The following MTF1 variants were observed in gnomAD, a reference collection of about 807,000 sequenced individuals.
The protein encoded by MTF1 is MRE-binding transcription factor.
Under a neutral mutation model 70.4 loss-of-function variants are expected in MTF1, and 22 were observed. The ratio of observed to expected loss-of-function variants is 0.31; its 90% CI spans 0.22 to 0.45. MTF1 has a LOEUF of 0.45. Ranked by LOEUF, MTF1 falls within the 20% of genes least tolerant of loss-of-function variation. MTF1 has a pLI of 1.00. For missense variants in MTF1, 649 were observed against 922.0 expected, an observed-to-expected ratio of 0.70 and a Z score of 3.83; for synonymous variants, 333 against 352.8, an observed-to-expected ratio of 0.94 and a Z score of 0.63.
intron 2 of MTF1, among the ~76,000 whole-genome samples, chr1:37,843,006 G>C (rs955188408): frequency 5.9e-5 from 9 of 152,220 alleles, no homozygotes; most frequent in African/African-American, 2.2e-4. Context: ...GTGAACTCCT[G>C]AGTTGATAAA....
intron 2 of MTF1, among the ~76,000 whole-genome samples, chr1:37,850,700 A>G (rs966953012): frequency 6.6e-5 from 10 of 152,138 alleles, no homozygotes; most frequent in Non-Finnish European, 1.2e-4. Context: ...GGAAAAGACT[A>G]TCTGTGGCAA....
rs1031012007 is a variant in MTF1, at chr1:37,813,739, T to A, written c.*1397A>T. ...TGAGTTTGGTCAGCACTCATGACTA[T>A]GTTAATATAGCCTGTTGAGGGAAAC... On this transcript the variant is annotated 3_prime_UTR_variant, in exon 11 of 11. Transcript: ENST00000373036. 2.0e-5 allele frequency: 3 copies of A among 152,324 alleles called. No individual in the cohort carries two copies. The highest frequency in any genetic ancestry group is 6.5e-5 in the Admixed American group (1 of 15,290). 9.4% of individuals were successfully genotyped at this position (152,324 alleles called of 1,614,324 possible).
Position 37,823,755 on chromosome 1 carries a change from G to T in MTF1, c.1126C>A (p.Gln376Lys), listed in dbSNP as rs201684280. ...SPAIIFESMF[Q>K]NSDDTAIQED... ...TGAATTGCCGTATCATCTGAATTCT[G>T]GAACATTGATTCAAAGATGATTGCT... The change falls in exon 8 of 11, where the codon CAG (glutamine) becomes AAG (lysine). Residue 376 changes from glutamine to lysine, a missense_variant. Transcript: ENST00000373036. 1.2e-6 allele frequency: 2 copies of T among 1,614,036 alleles called. No homozygotes were observed. The highest frequency in any genetic ancestry group is 2.2e-5 in the East Asian group (1 of 44,868).
intron 7 of MTF1, among the ~76,000 whole-genome samples, chr1:37,824,906 G>A (rs1260685734): frequency 1.3e-5 from 2 of 151,940 alleles, no homozygotes; most frequent in East Asian, 3.9e-4. Flanking sequence ...ATGTGAGGGG[G>A]GAGACCCAAC....
intron 3 of MTF1, 38 bp from the exon 4 acceptor site, chr1:37,838,794 A>ACTCTTTTTTTTTTTTTTTTT (rs1641208901): frequency 2.1e-6 from 1 of 487,084 alleles, no homozygotes; most frequent in African/African-American, 2.4e-5. Context: ...TTGTCATAAA[A>ACTCTTTTTTTTTTTTTTTTT]TTCTTTTTTT....
At chr1:37,859,101 G>A (rs1641553491) in intron 1 of MTF1, among the ~76,000 whole-genome samples, 2 of 152,236 alleles carry the variant, frequency 1.3e-5, no homozygotes, top group Non-Finnish European at 2.9e-5. Context: ...CTGCATCTGA[G>A]CAGAGAGAGA....
rs929287157 is a variant in MTF1, at chr1:37,858,253, T to C, written c.-51-544A>G. 6.6e-5 allele frequency among the ~76,000 whole-genome samples: 10 copies of C among 152,218 alleles called. No homozygotes were observed. In the South Asian group the frequency reaches 1.4e-3, roughly 22 times the overall value. ...GACCACGAGGCAGTAAATGGTTTCA[T>C]GCAGTTTATGGTAGAAGGAGCAAGG... is the stretch of plus-strand genomic sequence containing the variant. On this transcript the variant is annotated intron_variant, in intron 1 of 10. Transcript: ENST00000373036.
chr1:37,854,718 G>C (rs1387613751), intron 2 of MTF1, among the ~76,000 whole-genome samples: 1 of 152,212 alleles, frequency 6.6e-6, no homozygotes, highest in Non-Finnish European at 1.5e-5. Context: ...ACTGTATTCA[G>C]TGCTAGTTGA....
In MTF1 at chr1:37,810,371, T is replaced by G. The variant is rs920268932; in HGVS notation, c.*4765A>C. ...CCACCAAAAGGGCAGTGTGTGGTTT[T>G]AAACCTCAATTCCAGTAAAAAAGCT... On this transcript the variant is annotated 3_prime_UTR_variant, in exon 11 of 11. Coordinates refer to ENST00000373036, the MANE Select transcript of MTF1 (RefSeq NM_005955.3). The G allele has an allele frequency of 3.3e-5, 5 of 152,384 alleles. No individual in the cohort carries two copies. Among genetic ancestry groups the G allele is most frequent in the African/African-American group, 1.2e-4 (5 of 41,454 alleles). The allele number at this position is 152,384 out of a possible 1,614,324, so 9.4% of individuals were successfully genotyped here.
chr1:37,845,444 C>T (rs1375349035), intron 2 of MTF1, among the ~76,000 whole-genome samples: 4 of 151,622 alleles, frequency 2.6e-5, no homozygotes, highest in Admixed American at 6.6e-5. Context: ...GGGGAGGGGG[C>T]GGATAGCAAG....
chr1:37,835,030 C>T (rs199902145), intron 6 of MTF1, 49 bp downstream of exon 6: 17 of 1,593,070 alleles, frequency 1.1e-5, no homozygotes, highest in Non-Finnish European at 1.5e-5. Flanking sequence ...ACACAAACAA[C>T]TGTTGAAGTT....
At chr1:37,827,535 T>A (rs1263886129) in intron 7 of MTF1, among the ~76,000 whole-genome samples, 1 of 152,038 alleles carries the variant, frequency 6.6e-6, no homozygotes, top group African/African-American at 2.4e-5. Context: ...TTTTGTTTTT[T>A]GTATTTTTAG....
At position 37,812,802 on chromosome 1, in the gene MTF1, G is replaced by T. The variant is rs1408040392; in HGVS notation, c.*2334C>A. The T allele has an allele frequency of 1.3e-5, 2 of 152,240 alleles. No homozygotes were observed. Among genetic ancestry groups the T allele is most frequent in the Non-Finnish European group, 2.9e-5 (2 of 68,086 alleles). 9.4% of individuals were successfully genotyped at this position (152,240 alleles called of 1,614,324 possible). A position where few individuals can be genotyped will look rare whatever the true frequency, so the allele number is the denominator to read the frequency against. ...ACTACTCTCTCAGAAGTTGTAAACA[G>T]CAAGGGCCCTACCTCAAAACTTCCC... On this transcript the variant is annotated 3_prime_UTR_variant, in exon 11 of 11. Transcript: ENST00000373036.
At chr1:37,855,671 G>A (rs995018871) in intron 2 of MTF1, among the ~76,000 whole-genome samples, 1 of 152,092 alleles carries the variant, frequency 6.6e-6, no homozygotes, top group Middle Eastern at 3.4e-3. Context: ...ATAGTTCCTG[G>A]ATGGGCCGGG....
At chr1:37,817,369 A>G (rs766122357) in intron 10 of MTF1, 50 bp downstream of exon 10, 2 of 1,129,406 alleles carry the variant, frequency 1.8e-6, no homozygotes, top group South Asian at 2.5e-5. Flanking sequence ...GCTGTGCCTC[A>G]AGGGACCCAC....
chr1:37,857,202 A>C lies in MTF1; in HGVS notation c.408+49T>G, dbSNP rs559542041. ...TAAAATTTGCACCAAGAATTTTGTA[A>C]GGACTTGCCCCAAAACCAAACTAGG... is the stretch of plus-strand genomic sequence containing the variant. On this transcript the variant is annotated intron_variant, in intron 2 of 10. Transcript: ENST00000373036. The C allele has an allele frequency of 5.8e-6, 9 of 1,563,086 alleles. No individual in the cohort carries two copies. In the South Asian group the frequency reaches 9.5e-5, roughly 16 times the overall value.
intron 7 of MTF1, among the ~76,000 whole-genome samples, chr1:37,832,010 A>T (rs937938258): frequency 1.3e-5 from 2 of 152,178 alleles, no homozygotes; most frequent in African/African-American, 4.8e-5. Context: ...AAAAAAAGAA[A>T]TTTTCTGGGG....
intron 2 of MTF1, among the ~76,000 whole-genome samples, chr1:37,845,535 A>G (rs935894883): frequency 3.3e-5 from 5 of 152,096 alleles, no homozygotes; most frequent in African/African-American, 4.8e-5. Context: ...GAATAGATGG[A>G]GTTTCTCTCT....
intron 1 of MTF1, among the ~76,000 whole-genome samples, chr1:37,858,841 C>T (rs1025940152): frequency 6.6e-6 from 1 of 152,240 alleles, no homozygotes; most frequent in Non-Finnish European, 1.5e-5. Context: ...CTTCCTTCAT[C>T]TGCAAACACA....
Sources: allele counts gnomAD v4.1 joint callset (sites outside exome capture counted in the v4.1 genomes callset), GRCh38; gene constraint gnomAD v4.1.1; transcripts MANE v1.5; gene names NCBI Gene and HGNC (gene_info 2026-07-23, HGNC 2026-07-21).